Variants in EPSTI1 observed in about 807,000 individuals in gnomAD.
EPSTI1 encodes the protein epithelial stromal interaction 1.
A neutral mutation model predicts 49.9 loss-of-function variants in EPSTI1; 66 were observed. That is an observed-to-expected ratio of 1.32 (90% CI 1.08 to 1.62). EPSTI1 has a LOEUF of 1.62. Ranked by LOEUF, EPSTI1 falls within the 40% of genes most tolerant of loss-of-function variation. The pLI, the probability that EPSTI1 is intolerant of heterozygous loss-of-function variation, is 0.00. For missense variants in EPSTI1, 394 were observed against 365.5 expected (o/e 1.08, Z -0.64); for synonymous variants, 137 against 130.7 (o/e 1.05, Z -0.33).
At chr13:42,919,458 C>A in intron 7 of EPSTI1, 1 of 840,294 alleles carries the variant, frequency 1.2e-6, no homozygotes, top group Non-Finnish European at 1.9e-6. Context: ...AATACAATAC[C>A]AATGCTATAT....
intron 6 of EPSTI1, among the ~76,000 whole-genome samples, chr13:42,940,802 AT>A (rs1649573839): frequency 6.6e-6 from 1 of 152,216 alleles, no homozygotes; most frequent in Admixed American, 6.5e-5. Flanking sequence ...ATCCATTGAT[AT>A]TTTTGCCACT....
At chr13:42,902,612 T>C (rs1535895) in intron 8 of EPSTI1, among the ~76,000 whole-genome samples, 41,537 of 152,096 alleles carry the variant, frequency 0.27, 5,740 homozygotes, top group South Asian at 0.32. Flanking sequence ...TGATATGCAA[T>C]GTTTAACCAG....
intron 7 of EPSTI1, among the ~76,000 whole-genome samples, chr13:42,923,691 C>T (rs985576278): frequency 6.6e-6 from 1 of 152,244 alleles, no homozygotes; most frequent in African/African-American, 2.4e-5. Flanking sequence ...CCTACACACA[C>T]AATACAGAGA....
At chr13:42,957,558 T>C (rs2039310089) in intron 5 of EPSTI1, among the ~76,000 whole-genome samples, 1 of 152,120 alleles carries the variant, frequency 6.6e-6, no homozygotes, top group African/African-American at 2.4e-5. Context: ...AATAGTTAAT[T>C]TTAAATTTTA....
intron 6 of EPSTI1, among the ~76,000 whole-genome samples, chr13:42,926,973 T>C (rs1366073085): frequency 7.2e-6 from 1 of 138,684 alleles, no homozygotes; most frequent in Non-Finnish European, 1.5e-5. Context: ...AAAGCAAAAG[T>C]GAACCCTCTG....
chr13:42,913,293 T>C (rs2153416645), intron 8 of EPSTI1, among the ~76,000 whole-genome samples: 1 of 152,250 alleles, frequency 6.6e-6, no homozygotes, highest in Admixed American at 6.5e-5. Context: ...AACCAGACAT[T>C]TCTTTCCACT....
intron 6 of EPSTI1, among the ~76,000 whole-genome samples, chr13:42,927,017 A>G (rs1390988579): frequency 1.3e-5 from 2 of 151,712 alleles, no homozygotes; most frequent in African/African-American, 2.4e-5. Context: ...ACACACACAC[A>G]CACACACACA....
chr13:42,901,167 C>T (rs2037341762), intron 8 of EPSTI1, among the ~76,000 whole-genome samples: 1 of 152,026 alleles, frequency 6.6e-6, no homozygotes, highest in African/African-American at 2.4e-5. Context: ...ATTATTAGGC[C>T]CAAGTCATAT....
chr13:42,963,530 C>A, intron 4 of EPSTI1, 192 bp from the exon 5 acceptor site: 1 of 582,478 alleles, frequency 1.7e-6, no homozygotes. Flanking sequence ...CGTGAAATTT[C>A]TGTCTTTGTG....
At chr13:42,940,387 T>A (rs1426131821) in intron 6 of EPSTI1, among the ~76,000 whole-genome samples, 1 of 152,210 alleles carries the variant, frequency 6.6e-6, no homozygotes, top group African/African-American at 2.4e-5. Flanking sequence ...TTACCCTACC[T>A]CTAACACTAT....
intron 1 of EPSTI1, among the ~76,000 whole-genome samples, chr13:42,974,724 A>G (rs978549418): frequency 6.6e-6 from 1 of 152,186 alleles, no homozygotes; most frequent in Non-Finnish European, 1.5e-5. Flanking sequence ...TTGTGTGTAC[A>G]TTCTTGCACA....
chr13:42,890,891 C>T (rs919148962), intron 10 of EPSTI1, among the ~76,000 whole-genome samples: 10 of 151,858 alleles, frequency 6.6e-5, no homozygotes, highest in Non-Finnish European at 4.4e-5. Flanking sequence ...AGTTTTGATC[C>T]CTTTATGAGG....
intron 8 of EPSTI1, among the ~76,000 whole-genome samples, chr13:42,913,749 G>A (rs9525706): frequency 0.19 from 29,442 of 152,090 alleles, 3,218 homozygotes; most frequent in East Asian, 0.41. Context: ...TTATCACAAC[G>A]CCTAATTTAT....
intron 9 of EPSTI1, among the ~76,000 whole-genome samples, chr13:42,897,277 C>T (rs749115427): frequency 1.3e-5 from 2 of 152,116 alleles, no homozygotes; most frequent in Non-Finnish European, 2.9e-5. Flanking sequence ...TGCAGTGAGG[C>T]CTTCCTAAGT....
rs755800583 is a variant in EPSTI1, at chr13:42,991,982, T to A, written c.184A>T (p.Arg62Trp). The A allele has an allele frequency of 6.2e-7, 1 of 1,611,584 alleles. No homozygotes were observed. Among genetic ancestry groups the A allele is most frequent in the Non-Finnish European group, 8.5e-7 (1 of 1,179,496 alleles). ...CCAGGTTGTTAAAATACTCACCGCC[T>A]CTGGCCCGCGTGCACGACGCTCTCC... ...SRESVVHAGQRRTSAYTLIAP... is the reference protein window; with the variant it reads ...SRESVVHAGQWRTSAYTLIAP... The change falls in exon 1 of 11, where the codon AGG becomes TGG. Residue 62 changes from arginine to tryptophan, a missense_variant. Coordinates refer to ENST00000313624, the MANE Select transcript of EPSTI1 (RefSeq NM_033255.5).
intron 9 of EPSTI1, among the ~76,000 whole-genome samples, chr13:42,900,044 C>A (rs1457664436): frequency 5.3e-5 from 8 of 152,114 alleles, no homozygotes; most frequent in Admixed American, 1.3e-4. Flanking sequence ...ATTGAACACA[C>A]AAGAACATGA....
chr13:42,890,349 CTG>C (rs2036998343), intron 10 of EPSTI1, among the ~76,000 whole-genome samples: 1 of 139,292 alleles, frequency 7.2e-6, no homozygotes, highest in South Asian at 2.3e-4. Flanking sequence ...CCAGGCTGGA[CTG>C]TGGTGGCGCA....
chr13:42,908,852 G>A (rs777310540), intron 8 of EPSTI1, among the ~76,000 whole-genome samples: 2 of 151,846 alleles, frequency 1.3e-5, no homozygotes, highest in African/African-American at 4.8e-5. Flanking sequence ...GGAGGCCTAG[G>A]CAGGTGGATC....
chr13:42,957,779 T>A (rs1473891737), intron 5 of EPSTI1, among the ~76,000 whole-genome samples: 5 of 152,154 alleles, frequency 3.3e-5, no homozygotes, highest in Non-Finnish European at 5.9e-5. Flanking sequence ...CTCACCATGT[T>A]TCCCAGGCTG....
Sources: gnomAD v4.1 joint callset for allele counts (sites outside exome capture counted in the v4.1 genomes callset) on GRCh38, gnomAD v4.1.1 for gene constraint, MANE v1.5 for transcripts, NCBI Gene and HGNC (gene_info 2026-07-23, HGNC 2026-07-21) for gene names.